The following NOC4L variants were observed in gnomAD, a reference collection of about 807,000 sequenced individuals.
The protein encoded by NOC4L is nucleolar complex protein 4 homolog.
NOC4L carries 40 observed loss-of-function variants against 62.8 expected under a neutral mutation model. That is an observed-to-expected ratio of 0.64 (90% confidence interval 0.49 to 0.83). NOC4L has a LOEUF of 0.83. NOC4L is among the 40% of genes least tolerant of loss of function. The pLI is 0.00. For synonymous variants in NOC4L, 433 were observed against 299.8 expected (o/e 1.44, Z -4.59); for missense variants, 927 against 701.9 (o/e 1.32, Z -3.62).
At chr12:132,151,897 A>C in intron 13 of NOC4L, 77 bp downstream of exon 13, 2 of 1,436,602 alleles carry the variant, frequency 1.4e-6, no homozygotes, top group Non-Finnish European at 1.9e-6. Context: ...TCCCCGTGCC[A>C]CCTCCCGCAT....
chr12:132,148,963 A>C, intron 9 of NOC4L, 68 bp downstream of exon 9: 1 of 311,802 alleles, frequency 3.2e-6, no homozygotes. Flanking sequence ...CCTCACTCCT[A>C]CCACACCCCT....
intron 1 of NOC4L, 92 bp from the exon 2 acceptor site, chr12:132,144,762 C>T: frequency 2.0e-6 from 3 of 1,506,176 alleles, no homozygotes; most frequent in Non-Finnish European, 1.8e-6. Flanking sequence ...GGGCTGGCGT[C>T]CCGAGGGGGA....
chr12:132,147,273 C>T lies in NOC4L; in HGVS notation c.346-8C>T, dbSNP rs912850847. 5.3e-6 allele frequency: 8 copies of T among 1,522,046 alleles called. No homozygotes were observed. The highest frequency in any genetic ancestry group is 2.5e-5 in the East Asian group (1 of 40,720). 94.3% of individuals were successfully genotyped at this position (1,522,046 alleles called of 1,614,324 possible). On this transcript the variant is annotated splice_polypyrimidine_tract_variant and splice_region_variant and intron_variant, in intron 3 of 14. Coordinates refer to ENST00000330579, the MANE Select transcript of NOC4L (RefSeq NM_024078.3). ...CATCACAGCCACCCTGCACTGCCCCCTTCCCAGGAGCTGGCCCTCAGCGCA... is the reference window on the plus strand; with the variant it reads ...CATCACAGCCACCCTGCACTGCCCCTTTCCCAGGAGCTGGCCCTCAGCGCA...
chr12:132,146,803 C>T (rs1200377238), intron 3 of NOC4L, among the ~76,000 whole-genome samples: 1 of 152,160 alleles, frequency 6.6e-6, no homozygotes, highest in African/African-American at 2.4e-5. Context: ...CCGTGTGCTC[C>T]TGTCATCCCG....
At chr12:132,146,231 T>G (rs1300772527) in intron 3 of NOC4L, 1 of 455,506 alleles carries the variant, frequency 2.2e-6, no homozygotes, top group Admixed American at 2.4e-5. Context: ...ATGGGTTTGC[T>G]TTTTTTAGAC....
chr12:132,144,591 C>G lies in NOC4L; in HGVS notation c.103C>G (p.Leu35Val), dbSNP rs763557627. 1.8e-5 allele frequency: 28 copies of G among 1,520,842 alleles called. No homozygotes were observed. Among genetic ancestry groups the G allele is most frequent in the Non-Finnish European group, 2.2e-5 (25 of 1,140,922 alleles). The allele number at this position is 1,520,842 out of a possible 1,614,324, so 94.2% of individuals were successfully genotyped here. A position where few individuals can be genotyped will look rare whatever the true frequency, so the allele number is the denominator to read the frequency against. Residue 35 changes from leucine to valine, a missense_variant, in exon 1 of 15, where the codon CTG (leucine) becomes GTG (valine). Leu to Val is a conservative substitution (Grantham distance 32). Transcript: ENST00000330579. ...TGAGGCCAACGCCGTGTTCGACATC[C>G]TGGCCGTGCTGCAGGTGGGCCTGGC... ...RSEANAVFDI[L>V]AVLQSEDQEE...
rs574181572 is a variant in NOC4L at position 132,146,416 on chromosome 12, C to G, written c.345+751C>G. On this transcript the variant is annotated intron_variant, in intron 3 of 14. Coordinates refer to ENST00000330579, the MANE Select transcript of NOC4L (RefSeq NM_024078.3). The stretch of plus-strand genomic sequence containing the variant: ...TTCCACCTTTGGCTGTTACGAACAG[C>G]GGACTGTGAACGTTCGCGTACAAAC... 9.6e-4 allele frequency: 428 copies of G among 446,028 alleles called. 4 individuals carry two copies. The highest frequency in any genetic ancestry group is 5.2e-3 in the South Asian group (337 of 64,278). 27.6% of individuals were successfully genotyped at this position (446,028 alleles called of 1,614,324 possible). A position where few individuals can be genotyped will look rare whatever the true frequency, so the allele number is the denominator to read the frequency against.
chr12:132,148,380 C>G (rs1029610858), intron 7 of NOC4L, among the ~76,000 whole-genome samples: 1 of 152,210 alleles, frequency 6.6e-6, no homozygotes, highest in Non-Finnish European at 1.5e-5. Context: ...GCGCAGCCCC[C>G]CTCTTGGCCA....
chr12:132,148,761 C>T (rs966978825), intron 8 of NOC4L, 23 bp from the exon 9 acceptor site: 2 of 1,424,420 alleles, frequency 1.4e-6, no homozygotes, highest in Non-Finnish European at 1.9e-6. Context: ...GCCCCTCACC[C>T]CCACCTGCCG....
chr12:132,150,987 C>T lies in NOC4L; in HGVS notation c.908C>T (p.Ala303Val), dbSNP rs746507936. The T allele has an allele frequency of 1.2e-5, 19 of 1,608,260 alleles. No individual in the cohort carries two copies. Among genetic ancestry groups the T allele is most frequent in the Admixed American group, 8.4e-5 (5 of 59,586 alleles). ...TGTGTCTGTCTGTCTGCAGGGGGGG[C>T]CCTCAGCCTCTTGGCCTTGAACGGG... ...FLTRACDLGG[A>V]LSLLALNGLF... The change falls in exon 10 of 15, where the codon GCC (alanine) becomes GTC (valine). Residue 303 changes from alanine to valine, a missense_variant. Physicochemically the swap from Ala to Val is moderately conservative, Grantham distance 64. Coordinates refer to ENST00000330579, the MANE Select transcript of NOC4L (RefSeq NM_024078.3).
chr12:132,151,730 A>G lies in NOC4L; in HGVS notation c.1235-8A>G. 3 of 1,612,168 alleles carry G rather than the reference A, an allele frequency of 1.9e-6. No individual in the cohort carries two copies. Among genetic ancestry groups the G allele is most frequent in the East Asian group, 2.2e-5 (1 of 44,824 alleles). On this transcript the variant is annotated splice_region_variant and splice_polypyrimidine_tract_variant and intron_variant, in intron 12 of 14. Coordinates refer to ENST00000330579, the MANE Select transcript of NOC4L (RefSeq NM_024078.3). ...GACGGCAGACAAGGGCCCACGTCTC[A>G]TTCCTAGAGTTGGACGCCGACCCCT...
At chr12:132,146,237 T>C in intron 3 of NOC4L, 1 of 455,928 alleles carries the variant, frequency 2.2e-6, no homozygotes, top group Non-Finnish European at 4.4e-6. Flanking sequence ...TTGCTTTTTT[T>C]AGACGCTCCT....
chr12:132,151,934 C>T lies in NOC4L; in HGVS notation c.1317+114C>T, dbSNP rs539802215. 2.3e-6 allele frequency: 3 copies of T among 1,284,132 alleles called. No homozygotes were observed. The South Asian group carries it at 3.9e-5, about 17-fold the overall frequency. 79.5% of individuals were successfully genotyped at this position (1,284,132 alleles called of 1,614,324 possible). ...GCCTCATGTTGCGTCCCCAGCTGGC[C>T]ACCTGGGTTTGTGGGTGCTGGGTGC... On this transcript the variant is annotated intron_variant, in intron 13 of 14. Coordinates refer to ENST00000330579, the MANE Select transcript of NOC4L (RefSeq NM_024078.3).
chr12:132,148,663 G>GGGGCC lies in NOC4L; in HGVS notation c.789+5_789+9dup. The stretch of plus-strand genomic sequence containing the variant: ...GCTCAGCTTCCTCAAGCACAAGGTA[G>GGGGCC]GGGCCAGGCCGGGGAGGGGGCGGGG... On this transcript the variant is annotated splice_donor_region_variant and intron_variant, in intron 8 of 14. Transcript: ENST00000330579. 6.5e-7 allele frequency: 1 copy of GGGGCC among 1,547,442 alleles called. No homozygotes were observed. Among genetic ancestry groups the GGGGCC allele is most frequent in the Non-Finnish European group, 8.7e-7 (1 of 1,145,516 alleles).
At position 132,144,828 on chromosome 12, in the gene NOC4L, G is replaced by A. The variant is rs533274722; in HGVS notation, c.118-26G>A. 4 of 1,585,938 alleles carry A rather than the reference G, an allele frequency of 2.5e-6. No homozygotes were observed. The South Asian group carries it at 4.6e-5, about 18-fold the overall frequency. Reference sequence around the variant, plus strand: ...GGCGAAGGTGACAGTTGGCGGCCGGGCACCCTGCCGCCGCCTCTCCTGCAG... The same window carrying A: ...GGCGAAGGTGACAGTTGGCGGCCGGACACCCTGCCGCCGCCTCTCCTGCAG... On this transcript the variant is annotated intron_variant, in intron 1 of 14. Coordinates refer to ENST00000330579, the MANE Select transcript of NOC4L (RefSeq NM_024078.3).
rs1166548126 is a variant in NOC4L at position 132,147,641 on chromosome 12, G to T, written c.462G>T (p.Val154=). 1 of 1,612,764 alleles carries T rather than the reference G, an allele frequency of 6.2e-7. No individual in the cohort carries two copies. The highest frequency in any genetic ancestry group is 8.5e-7 in the Non-Finnish European group (1 of 1,179,866). ...CTGGTCCTTGCCCCTAGTTGGTGGT[G>T]GGAGGCCTGCTGTCTCCTGAGGAGG... is the stretch of plus-strand genomic sequence containing the variant. ...LFPRELFKLV[V]GGLLSPEEDQ... Residue 154 remains valine (V), a synonymous_variant, in exon 5 of 15, where the codon GTG becomes GTT. Coordinates refer to ENST00000330579, the MANE Select transcript of NOC4L (RefSeq NM_024078.3).
intron 1 of NOC4L, 103 bp downstream of exon 1, chr12:132,144,708 G>T: frequency 6.9e-7 from 1 of 1,452,586 alleles, no homozygotes; most frequent in Non-Finnish European, 9.1e-7. Flanking sequence ...ACGGCGTTGG[G>T]GGGTCAGGGT....
At chr12:132,151,886 C>T in intron 13 of NOC4L, 66 bp downstream of exon 13, 1 of 1,493,384 alleles carries the variant, frequency 6.7e-7, no homozygotes, top group African/African-American at 1.4e-5. Context: ...GAAAGCCCAG[C>T]TCCCCGTGCC....
rs544639309 is a variant in NOC4L, at chr12:132,148,554, C to T, written c.739-55C>T. The T allele has an allele frequency of 4.7e-5, 73 of 1,538,950 alleles. No individual in the cohort carries two copies. The Admixed American group carries it at 5.2e-4, about 11-fold the overall frequency. On this transcript the variant is annotated intron_variant, in intron 7 of 14. Coordinates refer to ENST00000330579, the MANE Select transcript of NOC4L (RefSeq NM_024078.3). ...GCTTCGGGGTGCCCTGGCAGCTGCT[C>T]GGGCTCTGGTCTGGGGTGGGGAGGG...
Sources: gnomAD v4.1 joint callset for allele counts (sites outside exome capture counted in the v4.1 genomes callset) on GRCh38, gnomAD v4.1.1 for gene constraint, MANE v1.5 for transcripts, NCBI Gene and HGNC (gene_info 2026-07-23, HGNC 2026-07-21) for gene names.